The following TNFRSF8 variants were observed in gnomAD, a reference collection of about 807,000 sequenced individuals.
The protein encoded by TNFRSF8 is TNF receptor superfamily member 8, also known as tumor necrosis factor receptor superfamily member 8.
Under a neutral mutation model 70.8 loss-of-function variants are expected in TNFRSF8, and 26 were observed. The observed-to-expected ratio is 0.37, with a 90% confidence interval of 0.27 to 0.51. The LOEUF is 0.51. Ranked by LOEUF, TNFRSF8 falls within the 20% of genes least tolerant of loss-of-function variation. The pLI is 0.94. For missense variants in TNFRSF8, 720 were observed against 807.9 expected, an observed-to-expected ratio of 0.89 and a Z score of 1.32; for synonymous variants, 356 against 339.2, an observed-to-expected ratio of 1.05 and a Z score of -0.54.
chr1:12,123,850 C>G (rs762552422), intron 10 of TNFRSF8, 23 bp downstream of exon 10: 2 of 1,540,074 alleles, frequency 1.3e-6, no homozygotes, highest in Non-Finnish European at 1.8e-6. Context: ...GCCCACTCAC[C>G]CCTACTCCCA....
chr1:12,084,088 AC>A (rs1641111234), intron 1 of TNFRSF8, among the ~76,000 whole-genome samples: 1 of 152,180 alleles, frequency 6.6e-6, no homozygotes, highest in South Asian at 2.1e-4. Flanking sequence ...TTCAACAAAT[AC>A]GTTTACCAGA....
intron 1 of TNFRSF8, among the ~76,000 whole-genome samples, chr1:12,082,549 CAAAA>C (rs34818321): frequency 8.2e-6 from 1 of 121,272 alleles, no homozygotes; most frequent in Admixed American, 8.3e-5. Context: ...GACCCTGTCT[CAAAA>C]AAAAAAAAAA....
chr1:12,137,458 TC>T (rs1368005746), intron 13 of TNFRSF8, among the ~76,000 whole-genome samples: 1 of 152,012 alleles, frequency 6.6e-6, no homozygotes, highest in Non-Finnish European at 1.5e-5. Context: ...TTTGAAGGCA[TC>T]AGGACATTTC....
rs138654734 is a variant in TNFRSF8 at position 12,085,729 on chromosome 1, G to T, written c.151+1178G>T. Among the ~76,000 whole-genome samples, 281 of 152,330 alleles carry T rather than the reference G, an allele frequency of 1.8e-3. 1 individual carries two copies. The highest frequency in any genetic ancestry group is 6.6e-3 in the African/African-American group (273 of 41,578). On this transcript the variant is annotated intron_variant, in intron 2 of 14. Coordinates refer to ENST00000263932, the MANE Select transcript of TNFRSF8 (RefSeq NM_001243.5). ...ACCAGGAAATCCTTCTGGAGCTGGG[G>T]TGAGTGTTGTTCCTTCCATTTTGTA...
At chr1:12,071,713 G>A (rs11581850) in intron 1 of TNFRSF8, among the ~76,000 whole-genome samples, 57,972 of 151,620 alleles carry the variant, frequency 0.38, 11,759 homozygotes, top group Admixed American at 0.56. Flanking sequence ...ACAAGCACCC[G>A]CCACCACGCC....
At chr1:12,085,168 T>C (rs11569827) in intron 2 of TNFRSF8, among the ~76,000 whole-genome samples, 1,911 of 152,264 alleles carry the variant, frequency 0.013, 54 homozygotes, top group African/African-American at 0.044. Flanking sequence ...TGGAGTGCAA[T>C]GGTGCAATCT....
At chr1:12,077,921 T>C (rs1308312727) in intron 1 of TNFRSF8, 1 of 152,008 alleles carries the variant, frequency 6.6e-6, no homozygotes, top group Non-Finnish European at 1.5e-5. Context: ...ATCATCCTTA[T>C]GCAGGGGCCA....
intron 8 of TNFRSF8, among the ~76,000 whole-genome samples, chr1:12,120,015 C>T (rs1381050683): frequency 6.6e-6 from 1 of 152,130 alleles, no homozygotes; most frequent in Non-Finnish European, 1.5e-5. Context: ...AAGACACCAC[C>T]CACCCACCTC....
At chr1:12,095,862 C>T (rs920590482) in intron 2 of TNFRSF8, among the ~76,000 whole-genome samples, 8 of 152,228 alleles carry the variant, frequency 5.3e-5, no homozygotes, top group African/African-American at 1.9e-4. Flanking sequence ...TGAACGATGT[C>T]CTCAGGAGCC....
intron 1 of TNFRSF8, among the ~76,000 whole-genome samples, chr1:12,071,423 A>G (rs575825960): frequency 6.6e-6 from 1 of 152,296 alleles, no homozygotes; most frequent in East Asian, 1.9e-4. Context: ...TGGGTGACAG[A>G]GCAAGATTCT....
intron 12 of TNFRSF8, among the ~76,000 whole-genome samples, chr1:12,128,829 A>C (rs996321378): frequency 8.0e-4 from 77 of 95,818 alleles, no homozygotes; most frequent in African/African-American, 3.2e-3. Flanking sequence ...ACTGGTCTAA[A>C]ATTCTTTTTT....
intron 3 of TNFRSF8, among the ~76,000 whole-genome samples, chr1:12,103,122 G>T (rs1641452497): frequency 6.6e-6 from 1 of 152,032 alleles, no homozygotes; most frequent in African/African-American, 2.4e-5. Flanking sequence ...TCAGCACTTT[G>T]GGAGGCCGAG....
At chr1:12,139,170 G>A (rs1014248024) in intron 14 of TNFRSF8, among the ~76,000 whole-genome samples, 6 of 152,094 alleles carry the variant, frequency 3.9e-5, no homozygotes, top group South Asian at 2.1e-4. Context: ...CACTCCTGCC[G>A]AGAAGCCTCC....
chr1:12,131,412 T>C (rs1022500985), intron 12 of TNFRSF8, among the ~76,000 whole-genome samples: 1 of 152,210 alleles, frequency 6.6e-6, no homozygotes, highest in Non-Finnish European at 1.5e-5. Context: ...ATTGCACCAC[T>C]GCACTCCAGG....
At chr1:12,089,896 C>T (rs555456294) in intron 2 of TNFRSF8, among the ~76,000 whole-genome samples, 2 of 150,816 alleles carry the variant, frequency 1.3e-5, no homozygotes, top group South Asian at 4.2e-4. Context: ...ATCTATCCAC[C>T]TATCTACCTG....
At chr1:12,136,045 A>AGAGC (rs1351191692) in intron 13 of TNFRSF8, among the ~76,000 whole-genome samples, 1 of 150,890 alleles carries the variant, frequency 6.6e-6, no homozygotes, top group Admixed American at 6.6e-5. Context: ...GCTGGATGAC[A>AGAGC]GAGCAGGTGG....
chr1:12,124,886 A>C (rs1027438993), intron 10 of TNFRSF8, among the ~76,000 whole-genome samples: 1 of 150,140 alleles, frequency 6.7e-6, no homozygotes, highest in Non-Finnish European at 1.5e-5. Flanking sequence ...AACAAACAAA[A>C]CCCCCAAGAG....
At chr1:12,127,848 AAAAG>A (rs753985856) in intron 12 of TNFRSF8, among the ~76,000 whole-genome samples, 14 of 152,184 alleles carry the variant, frequency 9.2e-5, no homozygotes, top group African/African-American at 2.2e-4. Context: ...ACAGAAGAAA[AAAAG>A]AAAGAAAGAA....
At chr1:12,136,207 TG>T (rs1642142189) in intron 13 of TNFRSF8, among the ~76,000 whole-genome samples, 1 of 152,192 alleles carries the variant, frequency 6.6e-6, no homozygotes, top group Admixed American at 6.6e-5. Flanking sequence ...TTTCAAATTA[TG>T]GGGGATCACA....
Sources: gnomAD v4.1 joint callset for allele counts (sites outside exome capture counted in the v4.1 genomes callset) on GRCh38, gnomAD v4.1.1 for gene constraint, MANE v1.5 for transcripts, NCBI Gene and HGNC (gene_info 2026-07-23, HGNC 2026-07-21) for gene names.